CAMKK1: variants seen among roughly 807,000 people sequenced by gnomAD.
CAMKK1 encodes the protein calcium/calmodulin dependent protein kinase kinase 1.
CAMKK1 carries 20 observed loss-of-function variants against 63.5 expected under a neutral mutation model. That is an observed-to-expected ratio of 0.32 (90% CI 0.22 to 0.46). The LOEUF is 0.46. CAMKK1 is among the 20% of genes least tolerant of loss of function. The pLI, the probability that CAMKK1 is intolerant of heterozygous loss-of-function variation, is 1.00. For synonymous variants in CAMKK1, 253 were observed against 269.0 expected (o/e 0.94, Z 0.58); for missense variants, 588 against 658.1 (o/e 0.89, Z 1.17).
intron 14 of CAMKK1, among the ~76,000 whole-genome samples, chr17:3,868,349 CTGCCTGATTGATA>C: frequency 6.7e-6 from 1 of 149,540 alleles, no homozygotes; most frequent in African/African-American, 2.5e-5. Context: ...GACGCAGGCA[CTGCCTGATTGATA>C]CGCGGGCGCT....
In CAMKK1 at chr17:3,862,460, G is replaced by A. The variant is rs1181002415; in HGVS notation, c.1446-177C>T. ...TACATCACGGCAGTTGCTCCTTGCC[G>A]GTCTCTCAGCCCCCAGTCTCAGCCC... On this transcript the variant is annotated intron_variant, in intron 15 of 15. Transcript: ENST00000348335. The surrounding 1 kb of genome is among the most constrained non-coding windows in gnomAD (Gnocchi z 4.1). Among the ~76,000 whole-genome samples, 7 of 152,034 alleles carry A rather than the reference G, an allele frequency of 4.6e-5. No homozygotes were observed. The highest frequency in any genetic ancestry group is 7.4e-5 in the Non-Finnish European group (5 of 68,002).
At chr17:3,871,511 C>A (rs568696201) in intron 12 of CAMKK1, among the ~76,000 whole-genome samples, 4 of 150,524 alleles carry the variant, frequency 2.7e-5, no homozygotes, top group South Asian at 2.1e-4. Context: ...CCCGCCACCA[C>A]GCCCGGCTAA....
Position 3,889,757 on chromosome 17 carries a change from C to A in CAMKK1, c.-44+3182G>T, listed in dbSNP as rs867583898. Among the ~76,000 whole-genome samples the A allele has an allele frequency of 1.3e-5, 2 of 152,212 alleles. No individual in the cohort carries two copies. Among genetic ancestry groups the A allele is most frequent in the East Asian group, 1.9e-4 (1 of 5,198 alleles). ...TCCTCCCAGGCTGTGCCCCACCCCC[C>A]AAGCGTCTGGCCACTCCCAAGGAAT... On this transcript the variant is annotated intron_variant, in intron 1 of 15. Coordinates refer to ENST00000348335, the MANE Select transcript of CAMKK1 (RefSeq NM_032294.3). The surrounding 1 kb of genome is among the most constrained non-coding windows in gnomAD (Gnocchi z 5.2).
intron 1 of CAMKK1, among the ~76,000 whole-genome samples, chr17:3,886,217 C>T (rs1162342543): frequency 7.2e-5 from 11 of 152,188 alleles, no homozygotes; most frequent in Non-Finnish European, 1.5e-5. Context: ...GACCCACCCG[C>T]CTCCTCCAGG....
chr17:3,873,659 C>T lies in CAMKK1; in HGVS notation c.997-197G>A, dbSNP rs149680550. Among the ~76,000 whole-genome samples the T allele has an allele frequency of 2.6e-3, 394 of 152,284 alleles. 1 individual carries two copies. The highest frequency in any genetic ancestry group is 9.0e-3 in the African/African-American group (376 of 41,552). On this transcript the variant is annotated intron_variant, in intron 10 of 15. Coordinates refer to ENST00000348335, the MANE Select transcript of CAMKK1 (RefSeq NM_032294.3). Reference sequence around the variant, plus strand: ...GGACACAGGGGCGGCCAGAACAAGGCCTCCACCCTCCAGGGGTTCTGGATT... The same window carrying T: ...GGACACAGGGGCGGCCAGAACAAGGTCTCCACCCTCCAGGGGTTCTGGATT...
rs112054759 is a variant in CAMKK1 at position 3,889,277 on chromosome 17, C to T, written c.-43-3547G>A. Among the ~76,000 whole-genome samples the T allele has an allele frequency of 5.3e-4, 81 of 152,160 alleles. No homozygotes were observed. The highest frequency in any genetic ancestry group is 1.7e-3 in the African/African-American group (69 of 41,494). On this transcript the variant is annotated intron_variant, in intron 1 of 15. Transcript: ENST00000348335. The surrounding 1 kb of genome is among the most constrained non-coding windows in gnomAD (Gnocchi z 5.2). ...GTAGATACTCTGTAGAAACTTAATT[C>T]GGTGGATAACTAGGGCCATGTGGGC...
At chr17:3,880,977 C>G (rs978199478) in intron 8 of CAMKK1, among the ~76,000 whole-genome samples, 3 of 152,234 alleles carry the variant, frequency 2.0e-5, no homozygotes, top group Admixed American at 1.3e-4. Context: ...CCCTGCCCCT[C>G]TCCCCAGATT....
Position 3,885,727 on chromosome 17 carries a change from G to C in CAMKK1, c.-40C>G. On this transcript the variant is annotated 5_prime_UTR_variant, in exon 2 of 16. Transcript: ENST00000348335. ...GGGTTCTTCTGCGTAGCCTTGTTGG[G>C]AACCTGAGAAAAGAAGGCAGAGAAG... is the stretch of plus-strand genomic sequence containing the variant. 6.2e-7 allele frequency: 1 copy of C among 1,603,178 alleles called. No individual in the cohort carries two copies. Among genetic ancestry groups the C allele is most frequent in the Non-Finnish European group, 8.5e-7 (1 of 1,177,622 alleles).
intron 10 of CAMKK1, among the ~76,000 whole-genome samples, chr17:3,873,759 C>A (rs942149630): frequency 1.3e-5 from 2 of 152,118 alleles, no homozygotes; most frequent in African/African-American, 4.8e-5. Context: ...GAGGGTCACA[C>A]GGGCCGCTCC....
intron 8 of CAMKK1, among the ~76,000 whole-genome samples, chr17:3,881,031 G>A (rs1026666957): frequency 2.6e-5 from 4 of 152,230 alleles, no homozygotes; most frequent in African/African-American, 9.6e-5. Flanking sequence ...GCCGCAGGCT[G>A]CATTCAAGCC....
rs775469033 is a variant in CAMKK1 at position 3,884,443 on chromosome 17, G to A, written c.361-16C>T. 6.2e-6 allele frequency: 10 copies of A among 1,611,974 alleles called. No individual in the cohort carries two copies. The highest frequency in any genetic ancestry group is 5.3e-5 in the African/African-American group (4 of 74,866). Reference sequence around the variant, plus strand: ...GCACGCAGTCCTGTGGGGGAAGAGCGAGCACCAGGTGGAGCTGGGTCCGGA... The same window carrying A: ...GCACGCAGTCCTGTGGGGGAAGAGCAAGCACCAGGTGGAGCTGGGTCCGGA... On this transcript the variant is annotated splice_polypyrimidine_tract_variant and intron_variant, in intron 2 of 15. Coordinates refer to ENST00000348335, the MANE Select transcript of CAMKK1 (RefSeq NM_032294.3). This position sits in a 1 kb window ranked among gnomAD's most constrained non-coding sequence, Gnocchi z 4.5.
chr17:3,888,981 G>A (rs762294411), intron 1 of CAMKK1, among the ~76,000 whole-genome samples: 1 of 151,990 alleles, frequency 6.6e-6, no homozygotes, highest in African/African-American at 2.4e-5. Flanking sequence ...TGAAAACCTC[G>A]GTGTGATGTG....
chr17:3,869,826 G>A lies in CAMKK1; in HGVS notation c.1187C>T (p.Thr396Met), dbSNP rs200501188. The change falls in exon 13 of 16, where the codon ACG becomes ATG. Residue 396 changes from threonine (T) to methionine (M), a missense_variant. Thr to Met is a moderately conservative substitution (Grantham distance 81). Coordinates refer to ENST00000348335, the MANE Select transcript of CAMKK1 (RefSeq NM_032294.3). ...ILKMLDKNPE[T>M]RIGVPDIKLH... ...CTTGATGTCTGGCACCCCAATTCTCGTCTCGGGATTCTTGTCTAACATCTT... is the reference window on the plus strand; with the variant it reads ...CTTGATGTCTGGCACCCCAATTCTCATCTCGGGATTCTTGTCTAACATCTT... 36 of 1,614,174 alleles carry A rather than the reference G, an allele frequency of 2.2e-5. No homozygotes were observed. Among genetic ancestry groups the A allele is most frequent in the African/African-American group, 8.0e-5 (6 of 75,048 alleles).
At chr17:3,878,516 C>T (rs762035731) in intron 9 of CAMKK1, among the ~76,000 whole-genome samples, 9 of 152,268 alleles carry the variant, frequency 5.9e-5, no homozygotes, top group South Asian at 2.1e-4. Context: ...TGCCACTGAC[C>T]GTACCGGGGT....
chr17:3,878,323 C>T (rs775608738), intron 9 of CAMKK1, among the ~76,000 whole-genome samples: 7 of 152,192 alleles, frequency 4.6e-5, no homozygotes, highest in Non-Finnish European at 7.3e-5. Context: ...TGGCGCTAAC[C>T]GTTCTGCCCC....
At chr17:3,886,651 A>G (rs8076383) in intron 1 of CAMKK1, among the ~76,000 whole-genome samples, 80,857 of 151,816 alleles carry the variant, frequency 0.53, 21,814 homozygotes, top group African/African-American at 0.55. Context: ...CAAGGGGATG[A>G]GAATGAGGGG....
In CAMKK1 at chr17:3,884,025, C is replaced by T. The variant is rs1219525265; in HGVS notation, c.409-88G>A. On this transcript the variant is annotated intron_variant, in intron 3 of 15. Coordinates refer to ENST00000348335, the MANE Select transcript of CAMKK1 (RefSeq NM_032294.3). The surrounding 1 kb of genome is among the most constrained non-coding windows in gnomAD (Gnocchi z 4.5). ...AGGTGGGGAGCCGAGCAGCTCTGGT[C>T]TCTCCTGCACCCCATCTGCACTACC... 1.6e-6 allele frequency: 2 copies of T among 1,281,872 alleles called. No homozygotes were observed. The highest frequency in any genetic ancestry group is 1.5e-5 in the African/African-American group (1 of 68,286). The allele number at this position is 1,281,872 out of a possible 1,614,324, so 79.4% of individuals were successfully genotyped here.
Position 3,868,839 on chromosome 17 carries a change from G to C in CAMKK1, c.1341+648C>G, listed in dbSNP as rs1218169461. 2.0e-5 allele frequency among the ~76,000 whole-genome samples: 3 copies of C among 151,374 alleles called. No individual in the cohort carries two copies. The South Asian group carries it at 6.3e-4, about 32-fold the overall frequency. On this transcript the variant is annotated intron_variant, in intron 14 of 15. Coordinates refer to ENST00000348335, the MANE Select transcript of CAMKK1 (RefSeq NM_032294.3). ...GGCTAATTTTTTTGTATTTTTAGTAGAGGTGGGGTTTCGCCGTATTAGCCA... is the reference window on the plus strand; with the variant it reads ...GGCTAATTTTTTTGTATTTTTAGTACAGGTGGGGTTTCGCCGTATTAGCCA...
Position 3,885,784 on chromosome 17 carries a change from G to C in CAMKK1, c.-43-54C>G, listed in dbSNP as rs143200846. The C allele has an allele frequency of 3.9e-4, 596 of 1,542,084 alleles. 2 individuals carry two copies. In the African/African-American group the frequency reaches 6.9e-3, roughly 18 times the overall value. On this transcript the variant is annotated intron_variant, in intron 1 of 15. Coordinates refer to ENST00000348335, the MANE Select transcript of CAMKK1 (RefSeq NM_032294.3). ...CTCCTGGGTGTCAGGCTGGCTACCAGGTAAGGTAGCCACAGCGCTGTGGGT... is the reference window on the plus strand; with the variant it reads ...CTCCTGGGTGTCAGGCTGGCTACCACGTAAGGTAGCCACAGCGCTGTGGGT...
Sources: gnomAD v4.1 joint callset for allele counts (sites outside exome capture counted in the v4.1 genomes callset) on GRCh38, gnomAD v4.1.1 for gene constraint, Gnocchi (gnomAD v3.1) non-coding constraint, MANE v1.5 for transcripts, NCBI Gene and HGNC (gene_info 2026-07-23, HGNC 2026-07-21) for gene names.